SLC25A37: variants seen among roughly 807,000 people sequenced by gnomAD.
The protein encoded by SLC25A37 is solute carrier family 25 member 37.
SLC25A37 carries 17 observed loss-of-function variants against 31.0 expected under a neutral mutation model. That is an observed-to-expected ratio of 0.55 (90% confidence interval 0.38 to 0.82). SLC25A37 has a LOEUF of 0.82. Ranked by LOEUF, SLC25A37 falls within the 40% of genes least tolerant of loss-of-function variation. The probability of loss-of-function intolerance (pLI) is 0.00; values close to 1 mark genes in which losing one functional copy is unlikely to be tolerated. For missense variants in SLC25A37, 404 were observed against 465.8 expected, an observed-to-expected ratio of 0.87 and a Z score of 1.22; for synonymous variants, 222 against 193.0, an observed-to-expected ratio of 1.15 and a Z score of -1.24.
chr8:23,568,975 C>T (rs960969222), intron 3 of SLC25A37: 3 of 149,258 alleles, frequency 2.0e-5, no homozygotes, highest in African/African-American at 7.5e-5. Context: ...AAGGGAAATG[C>T]TAATTCTGGC....
At position 23,571,664 on chromosome 8, in the gene SLC25A37, A is replaced by C; in HGVS notation, c.826A>C (p.Ser276Arg). 6.2e-7 allele frequency: 1 copy of C among 1,613,952 alleles called. No individual in the cohort carries two copies. The highest frequency in any genetic ancestry group is 8.5e-7 in the Non-Finnish European group (1 of 1,179,866). Residue 276 changes from serine to arginine, a missense_variant, in exon 4 of 4, where the codon AGC becomes CGC. Transcript: ENST00000519973. ...ENVALSLANISGRLSGMANAF... is the reference protein window; with the variant it reads ...ENVALSLANIRGRLSGMANAF... ...CGTGGCCCTCTCGCTGGCCAACATC[A>C]GCGGCCGGCTGTCGGGTATGGCCAA...
At chr8:23,570,249 A>G (rs1432787339) in intron 3 of SLC25A37, among the ~76,000 whole-genome samples, 1 of 152,176 alleles carries the variant, frequency 6.6e-6, no homozygotes, top group Non-Finnish European at 1.5e-5. Context: ...GAGAGCTGAG[A>G]AAGACAGCTC....
intron 1 of SLC25A37, among the ~76,000 whole-genome samples, chr8:23,546,521 A>AGG (rs10682781): frequency 0.39 from 45,882 of 118,176 alleles, 10,228 homozygotes; most frequent in East Asian, 0.59. Context: ...AGGTATATAT[A>AGG]TATATAGGTG....
Position 23,529,238 on chromosome 8 carries a change from C to T in SLC25A37, c.210+26C>T. Reference sequence around the variant, plus strand: ...GTGAGGCGCGGGGAGACTTCGGGGACGCAACGAGCGGAGAAGGAGCGCGCG... The same window carrying T: ...GTGAGGCGCGGGGAGACTTCGGGGATGCAACGAGCGGAGAAGGAGCGCGCG... On this transcript the variant is annotated intron_variant, in intron 1 of 3. Transcript: ENST00000519973. This position sits in a 1 kb window ranked among gnomAD's most constrained non-coding sequence, Gnocchi z 4.1. 3.1e-6 allele frequency: 5 copies of T among 1,591,826 alleles called. No individual in the cohort carries two copies. Among genetic ancestry groups the T allele is most frequent in the Non-Finnish European group, 4.3e-6 (5 of 1,170,108 alleles).
rs536340345 is a variant in SLC25A37, at chr8:23,574,022, T to TA, written c.*2174dup. 20 of 357,564 alleles carry TA rather than the reference T, an allele frequency of 5.6e-5. No individual in the cohort carries two copies. The highest frequency in any genetic ancestry group is 3.0e-4 in the South Asian group (15 of 49,412). 22.1% of individuals were successfully genotyped at this position (357,564 alleles called of 1,614,324 possible). ...CAAAGTAGAATTTAAAGCAAATTTG[T>TA]AAAAAAATTATCCTACCACCCCTTT... On this transcript the variant is annotated 3_prime_UTR_variant, in exon 4 of 4. Coordinates refer to ENST00000519973, the MANE Select transcript of SLC25A37 (RefSeq NM_016612.4).
At chr8:23,546,626 A>ATC (rs1802073387) in intron 1 of SLC25A37, among the ~76,000 whole-genome samples, 1 of 143,874 alleles carries the variant, frequency 7.0e-6, no homozygotes. Flanking sequence ...GTGTGTATAT[A>ATC]TATATATATT....
At chr8:23,566,073 A>G (rs1181439622) in intron 1 of SLC25A37, 35 bp from the exon 2 acceptor site, 1 of 1,542,292 alleles carries the variant, frequency 6.5e-7, no homozygotes, top group Non-Finnish European at 8.6e-7. Context: ...GATTAACTCT[A>G]TTTTTGTTTG....
At chr8:23,555,191 A>G (rs1373713230) in intron 1 of SLC25A37, among the ~76,000 whole-genome samples, 2 of 152,224 alleles carry the variant, frequency 1.3e-5, no homozygotes, top group Non-Finnish European at 2.9e-5. Flanking sequence ...ATCCTCCTGC[A>G]GCGGGAATTG....
At chr8:23,543,516 A>C (rs1387633031) in intron 1 of SLC25A37, among the ~76,000 whole-genome samples, 1 of 152,112 alleles carries the variant, frequency 6.6e-6, no homozygotes, top group Non-Finnish European at 1.5e-5. Flanking sequence ...ACTCACCCAG[A>C]GCAACTTCCA....
chr8:23,553,402 C>CA (rs1382168176), intron 1 of SLC25A37, among the ~76,000 whole-genome samples: 1 of 151,744 alleles, frequency 6.6e-6, no homozygotes, highest in African/African-American at 2.4e-5. Flanking sequence ...GTCTGGGCAA[C>CA]AGAGTGAGAC....
chr8:23,566,520 A>G (rs772299664), intron 2 of SLC25A37, 184 bp downstream of exon 2: 17 of 1,348,856 alleles, frequency 1.3e-5, no homozygotes, highest in South Asian at 3.8e-5. Flanking sequence ...GCGCGCACAC[A>G]CATGCTTTTT....
At chr8:23,556,634 ATGTGTG>A (rs1263961768) in intron 1 of SLC25A37, among the ~76,000 whole-genome samples, 1 of 151,598 alleles carries the variant, frequency 6.6e-6, no homozygotes, top group Non-Finnish European at 1.5e-5. Context: ...GTGTGTATAT[ATGTGTG>A]TGTGTGTATG....
intron 1 of SLC25A37, among the ~76,000 whole-genome samples, 182 bp from the exon 2 acceptor site, chr8:23,565,926 C>G (rs1802639795): frequency 1.3e-5 from 2 of 152,210 alleles, no homozygotes; most frequent in Admixed American, 1.3e-4. Flanking sequence ...TGCACACATT[C>G]ATGTAGATTT....
At chr8:23,533,948 CTTT>C (rs11309462) in intron 1 of SLC25A37, among the ~76,000 whole-genome samples, 1 of 150,896 alleles carries the variant, frequency 6.6e-6, no homozygotes, top group Admixed American at 6.6e-5. Flanking sequence ...CTCTCTCTCT[CTTT>C]TTTTTTGTTT....
intron 1 of SLC25A37, among the ~76,000 whole-genome samples, chr8:23,556,807 C>T (rs1358102482): frequency 6.6e-6 from 1 of 152,064 alleles, no homozygotes; most frequent in Non-Finnish European, 1.5e-5. Context: ...CTGCTCTTGC[C>T]TGCGACGTGT....
intron 1 of SLC25A37, among the ~76,000 whole-genome samples, chr8:23,542,228 T>C (rs1221526842): frequency 6.6e-6 from 1 of 152,220 alleles, no homozygotes; most frequent in African/African-American, 2.4e-5. Context: ...GGGATGATGC[T>C]GGTGTAAACC....
intron 1 of SLC25A37, among the ~76,000 whole-genome samples, chr8:23,565,450 C>CT (rs1459002975): frequency 2.0e-5 from 3 of 150,712 alleles, no homozygotes; most frequent in African/African-American, 7.3e-5. Context: ...AGTAGCCATT[C>CT]TTTTATTCCT....
At position 23,573,848 on chromosome 8, in the gene SLC25A37, C is replaced by G. The variant is rs1441651121; in HGVS notation, c.*1993C>G. On this transcript the variant is annotated 3_prime_UTR_variant, in exon 4 of 4. Transcript: ENST00000519973. ...GCCCCCCACTCCCCAAAACCAGTTG[C>G]AGCCTCAACCCACATGGGGATGTAG... is the stretch of plus-strand genomic sequence containing the variant. 2.2e-6 allele frequency: 1 copy of G among 456,618 alleles called. No homozygotes were observed. The highest frequency in any genetic ancestry group is 4.4e-6 in the Non-Finnish European group (1 of 226,990). 28.3% of individuals were successfully genotyped at this position (456,618 alleles called of 1,614,324 possible). A position where few individuals can be genotyped will look rare whatever the true frequency, so the allele number is the denominator to read the frequency against.
chr8:23,572,487 T>TA lies in SLC25A37; in HGVS notation c.*632_*633insA, dbSNP rs1802889280. ...TAAATCAGTGAATGTGGCCGGCAGC[T>TA]GTGTTTAGCCCCTCCAGATGGAAGT... On this transcript the variant is annotated 3_prime_UTR_variant, in exon 4 of 4. Transcript: ENST00000519973. The TA allele has an allele frequency of 6.6e-6, 1 of 152,606 alleles. No homozygotes were observed. Among genetic ancestry groups the TA allele is most frequent in the Non-Finnish European group, 1.5e-5 (1 of 68,042 alleles). 9.5% of individuals were successfully genotyped at this position (152,606 alleles called of 1,614,324 possible). A position where few individuals can be genotyped will look rare whatever the true frequency, so the allele number is the denominator to read the frequency against.
Sources: allele counts gnomAD v4.1 joint callset (sites outside exome capture counted in the v4.1 genomes callset), GRCh38; gene constraint gnomAD v4.1.1; non-coding constraint Gnocchi (gnomAD v3.1); transcripts MANE v1.5; gene names NCBI Gene and HGNC (gene_info 2026-07-23, HGNC 2026-07-21).